WDR46: variants seen among roughly 807,000 people sequenced by gnomAD.
WDR46 encodes the protein WD repeat-containing protein 46.
In WDR46, 58 loss-of-function variants were observed where a neutral mutation model predicts 74.7. The observed-to-expected ratio is 0.78, with a 90% confidence interval of 0.63 to 0.97. The LOEUF is 0.97. Ranked by LOEUF, WDR46 falls within the 50% of genes least tolerant of loss-of-function variation. The probability of loss-of-function intolerance (pLI) is 0.00; values close to 1 mark genes in which losing one functional copy is unlikely to be tolerated. For missense variants in WDR46, 702 were observed against 790.1 expected, an observed-to-expected ratio of 0.89 and a Z score of 1.34; for synonymous variants, 278 against 297.3, an observed-to-expected ratio of 0.93 and a Z score of 0.67.
At chr6:33,285,664 C>T (rs530084308) in intron 10 of WDR46, among the ~76,000 whole-genome samples, 2 of 151,786 alleles carry the variant, frequency 1.3e-5, no homozygotes, top group East Asian at 3.9e-4. Flanking sequence ...GCCGGAATTA[C>T]AGGCCCCCGC....
Position 33,288,187 on chromosome 6 carries a change from A to G in WDR46, c.522T>C (p.Ala174=), listed in dbSNP as rs1186363614. The G allele has an allele frequency of 6.2e-7, 1 of 1,614,224 alleles. No individual in the cohort carries two copies. The highest frequency in any genetic ancestry group is 1.7e-5 in the Admixed American group (1 of 60,022). Residue 174 remains alanine (A), a synonymous_variant, in exon 5 of 15, where the codon GCT becomes GCC. Transcript: ENST00000374617. ...DGEDTAKICQ[A]DIVEAVDIAS... is the part of the protein sequence containing the mutation. Reference sequence around the variant, plus strand: ...CAATGTCCACAGCCTCCACAATGTCAGCCTGGCATATCTTTGCTGTGTCTT... The same window carrying G: ...CAATGTCCACAGCCTCCACAATGTCGGCCTGGCATATCTTTGCTGTGTCTT...
intron 11 of WDR46, 29 bp from the exon 12 acceptor site, chr6:33,280,551 C>A: frequency 6.3e-7 from 1 of 1,599,204 alleles, no homozygotes; most frequent in Non-Finnish European, 8.5e-7. Context: ...AAGCATGGAG[C>A]CATAAGGAAG....
At position 33,280,980 on chromosome 6, in the gene WDR46, C is replaced by T. The variant is rs753729041; in HGVS notation, c.1123G>A (p.Ala375Thr). The change falls in exon 11 of 15, where the codon GCC becomes ACC. Residue 375 changes from alanine to threonine, a missense_variant. Ala to Thr is a moderately conservative substitution (Grantham distance 58, BLOSUM62 0). Coordinates refer to ENST00000374617, the MANE Select transcript of WDR46 (RefSeq NM_005452.6). ...AGCTGGTGGTCTAGGCCAGAGGTGG[C>T]CATGTACCTGGTGAGAGAAGAGGGA... ...VAVDSTGTYM[A>T]TSGLDHQLKI... 20 of 1,603,008 alleles carry T rather than the reference C, an allele frequency of 1.2e-5. No homozygotes were observed. Among genetic ancestry groups the T allele is most frequent in the Middle Eastern group, 1.7e-4 (1 of 6,028 alleles).
At position 33,288,349 on chromosome 6, in the gene WDR46, C is replaced by T. The variant is rs774470676; in HGVS notation, c.473+9G>A. 14 of 1,614,098 alleles carry T rather than the reference C, an allele frequency of 8.7e-6. No individual in the cohort carries two copies. The highest frequency in any genetic ancestry group is 1.2e-5 in the Non-Finnish European group (14 of 1,179,974). On this transcript the variant is annotated intron_variant, in intron 4 of 14. Transcript: ENST00000374617. The stretch of plus-strand genomic sequence containing the variant: ...CAGGGAATGGGGGTCCAGATTAGGG[C>T]TCACTCACCCAGGTTCTTCAGCAAG...
In WDR46 at chr6:33,279,155, G is replaced by C. The variant is rs1158898432; in HGVS notation, c.*121C>G. 1 of 1,404,910 alleles carries C rather than the reference G, an allele frequency of 7.1e-7. No homozygotes were observed. Among genetic ancestry groups the C allele is most frequent in the Non-Finnish European group, 9.8e-7 (1 of 1,025,372 alleles). The allele number at this position is 1,404,910 out of a possible 1,614,324, so 87.0% of individuals were successfully genotyped here. A position where few individuals can be genotyped will look rare whatever the true frequency, so the allele number is the denominator to read the frequency against. ...TAATACCAACCCACCCCAGGAGACA[G>C]CTGTCCACCCCCAGTTGGGGAAGGG... On this transcript the variant is annotated 3_prime_UTR_variant, in exon 15 of 15. Coordinates refer to ENST00000374617, the MANE Select transcript of WDR46 (RefSeq NM_005452.6).
Position 33,287,117 on chromosome 6 carries a change from G to A in WDR46, c.989C>T (p.Ala330Val), listed in dbSNP as rs748633871. ...LDVMSQNPYNAVIHLGHSNGT... is the reference protein window; with the variant it reads ...LDVMSQNPYNVVIHLGHSNGT... ...ATTGCTGTGTCCGAGATGGATGACG[G>A]CATTGTAAGGGTTCTGACTCATAAC... The change falls in exon 9 of 15, where the codon GCC becomes GTC. Residue 330 changes from alanine (A) to valine (V), a missense_variant. Transcript: ENST00000374617. The A allele has an allele frequency of 6.2e-7, 1 of 1,614,006 alleles. No individual in the cohort carries two copies. Among genetic ancestry groups the A allele is most frequent in the Non-Finnish European group, 8.5e-7 (1 of 1,179,988 alleles).
chr6:33,283,923 T>C (rs1766400944), intron 10 of WDR46, among the ~76,000 whole-genome samples: 2 of 149,372 alleles, frequency 1.3e-5, no homozygotes, highest in African/African-American at 2.5e-5. Flanking sequence ...AATAAATAAA[T>C]GCATCACCTG....
intron 12 of WDR46, among the ~76,000 whole-genome samples, chr6:33,280,098 A>T (rs120626): frequency 0.38 from 56,323 of 148,334 alleles, 10,498 homozygotes; most frequent in East Asian, 0.59. Flanking sequence ...GCAGGGGGGA[A>T]CCTGACCCTC....
chr6:33,288,295 T>C, intron 4 of WDR46, 60 bp from the exon 5 acceptor site: 1 of 1,613,610 alleles, frequency 6.2e-7, no homozygotes, highest in Non-Finnish European at 8.5e-7. Context: ...TATACCAACA[T>C]AAAAACGAGA....
chr6:33,280,017 C>G (rs1234128236), intron 12 of WDR46, among the ~76,000 whole-genome samples, 158 bp from the exon 13 acceptor site: 1 of 151,774 alleles, frequency 6.6e-6, no homozygotes, highest in Non-Finnish European at 1.5e-5. Context: ...CACACCTTCC[C>G]CAGCAGCAGG....
intron 14 of WDR46, 33 bp from the exon 15 acceptor site, chr6:33,279,407 A>G (rs979628682): frequency 3.1e-6 from 5 of 1,612,274 alleles, no homozygotes; most frequent in Non-Finnish European, 3.4e-6. Context: ...ACACAGGCAC[A>G]GAGTGAGAAG....
rs766888045 is a variant in WDR46, at chr6:33,288,453, G to A, written c.378C>T (p.Ala126=). The A allele has an allele frequency of 1.1e-5, 17 of 1,613,968 alleles. No homozygotes were observed. In the Admixed American group the frequency reaches 2.8e-4, roughly 27 times the overall value. ...CCACCTCAAGTCGGCTTCGAGTTTTGGCTTTAGAATGTGGTAGCTGTAACA... is the reference window on the plus strand; with the variant it reads ...CCACCTCAAGTCGGCTTCGAGTTTTAGCTTTAGAATGTGGTAGCTGTAACA... ...DKSRKLPHSK[A]KTRSRLEVAE... is the part of the protein sequence containing the mutation. Residue 126 remains alanine, a synonymous_variant, in exon 4 of 15, where the codon GCC becomes GCT. Coordinates refer to ENST00000374617, the MANE Select transcript of WDR46 (RefSeq NM_005452.6).
Position 33,288,600 on chromosome 6 carries a change from C to G in WDR46, c.360+14G>C. On this transcript the variant is annotated intron_variant, in intron 3 of 14. Coordinates refer to ENST00000374617, the MANE Select transcript of WDR46 (RefSeq NM_005452.6). ...CTGCCTCCAGCACTTCCCAACTCTC[C>G]GGCTGGACCTCACCTTTCGGGATTT... 4 of 1,612,094 alleles carry G rather than the reference C, an allele frequency of 2.5e-6. No individual in the cohort carries two copies. Among genetic ancestry groups the G allele is most frequent in the Non-Finnish European group, 3.4e-6 (4 of 1,178,952 alleles).
Position 33,280,864 on chromosome 6 carries a change from T to C in WDR46, c.1239A>G (p.Gly413=). 1 of 1,614,146 alleles carries C rather than the reference T, an allele frequency of 6.2e-7. No homozygotes were observed. Among genetic ancestry groups the C allele is most frequent in the Non-Finnish European group, 8.5e-7 (1 of 1,180,018 alleles). Residue 413 remains glycine, a synonymous_variant, in exon 11 of 15, where the codon GGA becomes GGG. Transcript: ENST00000374617. ...CGTCACCCATTCCCGCCACCAGCAGTCCCCTCTGGGAGAAGGCCAGGTGCC... is the reference window on the plus strand; with the variant it reads ...CGTCACCCATTCCCGCCACCAGCAGCCCCCTCTGGGAGAAGGCCAGGTGCC... ...GAGHLAFSQR[G]LLVAGMGDVV...
At chr6:33,281,309 A>G (rs1448301377) in intron 10 of WDR46, among the ~76,000 whole-genome samples, 1 of 152,028 alleles carries the variant, frequency 6.6e-6, no homozygotes, top group Non-Finnish European at 1.5e-5. Flanking sequence ...GTCAAAAGGA[A>G]CGCCCACACG....
At chr6:33,286,993 A>G in intron 9 of WDR46, 98 bp downstream of exon 9, 1 of 1,584,790 alleles carries the variant, frequency 6.3e-7, no homozygotes, top group Non-Finnish European at 8.6e-7. Flanking sequence ...ATAACAAAAA[A>G]GGGAAATAAA....
Position 33,280,690 on chromosome 6 carries a change from G to A in WDR46, c.1413C>T (p.Thr471=). Reference sequence around the variant, plus strand: ...CCCACTCACCAGGGACCAGCATGCTGGTGATGCCCCCAGTGTGCCCCACCC... The same window carrying A: ...CCCACTCACCAGGGACCAGCATGCTAGTGATGCCCCCAGTGTGCCCCACCC... ...VLGVGHTGGI[T]SMLVPGAGEP... is the part of the protein sequence containing the mutation. Residue 471 remains threonine (T), a synonymous_variant, in exon 11 of 15, where the codon ACC becomes ACT. Coordinates refer to ENST00000374617, the MANE Select transcript of WDR46 (RefSeq NM_005452.6). 1.3e-6 allele frequency: 2 copies of A among 1,585,732 alleles called. No individual in the cohort carries two copies. The highest frequency in any genetic ancestry group is 1.7e-6 in the Non-Finnish European group (2 of 1,163,044).
In WDR46 at chr6:33,284,851, T is replaced by C. The variant is rs532574536; in HGVS notation, c.1115+1944A>G. 329 of 153,554 alleles carry C rather than the reference T, an allele frequency of 2.1e-3. 1 individual carries two copies. Among genetic ancestry groups the C allele is most frequent in the African/African-American group, 7.6e-3 (315 of 41,562 alleles). The allele number at this position is 153,554 out of a possible 1,614,324, so 9.5% of individuals were successfully genotyped here. On this transcript the variant is annotated intron_variant, in intron 10 of 14. Coordinates refer to ENST00000374617, the MANE Select transcript of WDR46 (RefSeq NM_005452.6). ...GAACGGGGCCACACTATTTACTTAA[T>C]ACTGTGGCTGCTTTTGCTCTACAAC...
intron 12 of WDR46, 141 bp downstream of exon 12, chr6:33,280,287 C>T: frequency 6.7e-6 from 5 of 743,784 alleles, no homozygotes; most frequent in South Asian, 5.0e-5. Flanking sequence ...CCTTCTCCAG[C>T]AGTGGGGAAC....
Sources: allele counts gnomAD v4.1 joint callset (sites outside exome capture counted in the v4.1 genomes callset), GRCh38; gene constraint gnomAD v4.1.1; transcripts MANE v1.5; gene names NCBI Gene and HGNC (gene_info 2026-07-23, HGNC 2026-07-21).